DCAF8L2: variants seen among roughly 807,000 people sequenced by gnomAD.
DCAF8L2 encodes DDB1- and CUL4-associated factor 8-like protein 2.
For missense variants in DCAF8L2, 430 were observed against 490.7 expected (o/e 0.88, Z 1.17); for synonymous variants, 200 against 190.9 (o/e 1.05, Z -0.39).
chrX:27,525,300 C>CT, the DCAF8L2 span, among the ~76,000 whole-genome samples: 1 of 111,809 alleles, frequency 8.9e-6, no homozygotes, highest in Non-Finnish European at 1.9e-5. Flanking sequence ...TTGTTTGTCT[C>CT]TTTTGATCTT....
At chrX:27,702,272 AC>A (rs1931154656) in intron 3 of DCAF8L2, among the ~76,000 whole-genome samples, 1 of 107,318 alleles carries the variant, frequency 9.3e-6, no homozygotes, top group South Asian at 3.9e-4. Context: ...ATTCTACCAA[AC>A]AATGAAAGAA....
chrX:27,533,037 A>T, the DCAF8L2 span, among the ~76,000 whole-genome samples: 10 of 103,112 alleles, frequency 9.7e-5, no homozygotes, highest in Admixed American at 1.1e-3. Context: ...AGATTGAACC[A>T]CTGCCCTCCA....
the DCAF8L2 span, among the ~76,000 whole-genome samples, chrX:27,555,098 A>G: frequency 3.6e-5 from 4 of 111,863 alleles, no homozygotes; most frequent in Admixed American, 2.9e-4. Flanking sequence ...ACCTTGAAAG[A>G]TTGCAGTAAG....
At chrX:27,492,657 T>C in the DCAF8L2 span, among the ~76,000 whole-genome samples, 24 of 45,743 alleles carry the variant, frequency 5.2e-4, 1 homozygote, top group South Asian at 0.039. Context: ...TTTTTTCTAT[T>C]TTTAGTAGAG....
the DCAF8L2 span, among the ~76,000 whole-genome samples, chrX:27,550,998 T>C: frequency 9.0e-6 from 1 of 110,523 alleles, no homozygotes; most frequent in Non-Finnish European, 1.9e-5. Context: ...CATTTGTCTT[T>C]GATGTTACTA....
the DCAF8L2 span, among the ~76,000 whole-genome samples, chrX:27,556,524 G>A: frequency 8.9e-6 from 1 of 111,795 alleles, no homozygotes; most frequent in African/African-American, 3.3e-5. Context: ...AGTTGTTTGT[G>A]GATTATTTCC....
chrX:27,723,270 A>G (rs1376432935), intron 4 of DCAF8L2, among the ~76,000 whole-genome samples: 4 of 110,761 alleles, frequency 3.6e-5, no homozygotes, highest in African/African-American at 1.3e-4. Context: ...TATTTTTTAA[A>G]TCAAAAGCAA....
At chrX:27,567,665 T>A in the DCAF8L2 span, among the ~76,000 whole-genome samples, 1 of 103,489 alleles carries the variant, frequency 9.7e-6, no homozygotes, top group Non-Finnish European at 2.0e-5. Context: ...TCTAGAATTA[T>A]ATGATACTTT....
intron 2 of DCAF8L2, among the ~76,000 whole-genome samples, chrX:27,661,872 G>C (rs771008542): frequency 8.1e-5 from 9 of 111,586 alleles, no homozygotes; most frequent in African/African-American, 2.9e-4. Context: ...TGAAGATTTT[G>C]AGTAAATAAC....
chrX:27,550,680 C>T, the DCAF8L2 span, among the ~76,000 whole-genome samples: 1 of 111,463 alleles, frequency 9.0e-6, no homozygotes, highest in African/African-American at 3.3e-5. Flanking sequence ...TCTCCATCTT[C>T]CCTCCCCTCT....
chrX:27,543,590 T>C, the DCAF8L2 span, among the ~76,000 whole-genome samples: 5 of 111,764 alleles, frequency 4.5e-5, no homozygotes, highest in Non-Finnish European at 9.4e-5. Context: ...GGACCCTCTT[T>C]GGAATGGGGG....
At chrX:27,711,321 T>G (rs73534375) in intron 3 of DCAF8L2, among the ~76,000 whole-genome samples, 5,727 of 110,098 alleles carry the variant, frequency 0.052, 369 homozygotes, top group African/African-American at 0.18. Flanking sequence ...TTCTCTGTTG[T>G]GGCAAAGAGC....
At chrX:27,574,738 C>T in the DCAF8L2 span, among the ~76,000 whole-genome samples, 37 of 111,556 alleles carry the variant, frequency 3.3e-4, no homozygotes, top group Middle Eastern at 4.6e-3. Flanking sequence ...TTGTCCCTCT[C>T]GCAGGTGTGC....
chrX:27,579,615 TACACACACACACACAC>T, the DCAF8L2 span, among the ~76,000 whole-genome samples: 13 of 87,926 alleles, frequency 1.5e-4, no homozygotes, highest in South Asian at 5.8e-4. Context: ...TTCAGAGAAA[TACACACACACACACAC>T]ACACACACAC....
chrX:27,494,373 T>C, the DCAF8L2 span, among the ~76,000 whole-genome samples: 1 of 111,155 alleles, frequency 9.0e-6, no homozygotes, highest in East Asian at 2.8e-4. Flanking sequence ...GCCACTGCAC[T>C]CTAGCCTGGG....
intron 2 of DCAF8L2, among the ~76,000 whole-genome samples, chrX:27,641,999 CT>C (rs1928749205): frequency 9.1e-6 from 1 of 109,882 alleles, no homozygotes; most frequent in Non-Finnish European, 1.9e-5. Context: ...CGCCATTCTC[CT>C]GCCTCAGCCT....
intron 2 of DCAF8L2, among the ~76,000 whole-genome samples, chrX:27,664,698 C>G (rs1411422200): frequency 8.9e-6 from 1 of 111,849 alleles, no homozygotes; most frequent in East Asian, 2.8e-4. Flanking sequence ...TACTGATTCT[C>G]TTGTTAGGGG....
At chrX:27,693,917 C>T (rs1163911048) in intron 3 of DCAF8L2, among the ~76,000 whole-genome samples, 1 of 111,737 alleles carries the variant, frequency 8.9e-6, no homozygotes, top group African/African-American at 3.2e-5. Context: ...CTCATATGTT[C>T]ATCACAGCAC....
chrX:27,727,601 T>C (rs1932112385), intron 4 of DCAF8L2, among the ~76,000 whole-genome samples: 1 of 111,687 alleles, frequency 9.0e-6, no homozygotes, highest in Admixed American at 9.6e-5. Context: ...TCAAATATAT[T>C]TTATCTGTAC....
Sources: gnomAD v4.1 joint callset for allele counts (sites outside exome capture counted in the v4.1 genomes callset) on GRCh38, gnomAD v4.1.1 for gene constraint, MANE v1.5 for transcripts, NCBI Gene and HGNC (gene_info 2026-07-23, HGNC 2026-07-21) for gene names.